ELAVL4: variants seen among roughly 807,000 people sequenced by gnomAD.
ELAVL4 encodes the protein ELAV-like protein 4.
Under a neutral mutation model 35.6 loss-of-function variants are expected in ELAVL4, and 1 was observed. That is an observed-to-expected ratio of 0.03 (90% CI 0.01 to 0.13). The LOEUF (loss-of-function observed/expected upper bound fraction) is 0.13. ELAVL4 is among the 10% of genes least tolerant of loss of function. ELAVL4 has a pLI of 1.00. For missense variants in ELAVL4, 267 were observed against 464.9 expected (o/e 0.57, Z 3.91); for synonymous variants, 156 against 171.0 (o/e 0.91, Z 0.69).
chr1:50,173,492 G>T (rs1679410246), intron 2 of ELAVL4, among the ~76,000 whole-genome samples: 2 of 152,190 alleles, frequency 1.3e-5, no homozygotes, highest in African/African-American at 2.4e-5. Context: ...TCCTGCCCAT[G>T]CATGATAACT....
chr1:50,160,635 A>C (rs1676633472), intron 2 of ELAVL4, among the ~76,000 whole-genome samples: 1 of 152,202 alleles, frequency 6.6e-6, no homozygotes, highest in South Asian at 2.1e-4. Context: ...TATTTCAGAA[A>C]GGACACGCTG....
chr1:50,083,181 T>C (rs544892707), intron 1 of ELAVL4, among the ~76,000 whole-genome samples: 1 of 152,262 alleles, frequency 6.6e-6, no homozygotes, highest in East Asian at 1.9e-4. Flanking sequence ...GTAATCCTCC[T>C]GAGTAGCTGG....
At chr1:50,086,494 A>G (rs911722765) in intron 1 of ELAVL4, among the ~76,000 whole-genome samples, 1 of 150,680 alleles carries the variant, frequency 6.6e-6, no homozygotes, top group Non-Finnish European at 1.5e-5. Context: ...ATATATATAT[A>G]TATATACTCT....
chr1:50,173,838 G>C (rs1679473077), intron 2 of ELAVL4, among the ~76,000 whole-genome samples: 1 of 149,688 alleles, frequency 6.7e-6, no homozygotes, highest in African/African-American at 2.5e-5. Flanking sequence ...TAGCCATTTG[G>C]AAAAAAAAAG....
chr1:50,054,375 G>A (rs1663551658), intron 1 of ELAVL4, among the ~76,000 whole-genome samples: 1 of 152,048 alleles, frequency 6.6e-6, no homozygotes, highest in Non-Finnish European at 1.5e-5. Flanking sequence ...CCCAACCATT[G>A]TCACTCCCAT....
intron 1 of ELAVL4, among the ~76,000 whole-genome samples, chr1:50,093,990 AAGTG>A (rs1477658710): frequency 2.0e-5 from 3 of 152,126 alleles, no homozygotes; most frequent in African/African-American, 7.2e-5. Flanking sequence ...TTGTGAAACT[AAGTG>A]AGTAAATACA....
chr1:50,050,743 T>C (rs1663313649), intron 1 of ELAVL4, among the ~76,000 whole-genome samples: 1 of 152,212 alleles, frequency 6.6e-6, no homozygotes, highest in Non-Finnish European at 1.5e-5. Context: ...ATTTGAGCAG[T>C]ACTGCTCATT....
In ELAVL4 at chr1:50,193,759, TC is replaced by T. The variant is rs752158397; in HGVS notation, c.355-4del. 6.2e-7 allele frequency: 1 copy of T among 1,612,080 alleles called. No homozygotes were observed. The highest frequency in any genetic ancestry group is 8.5e-7 in the Non-Finnish European group (1 of 1,179,274). On this transcript the variant is annotated splice_polypyrimidine_tract_variant and splice_region_variant and intron_variant, in intron 3 of 6. Coordinates refer to ENST00000371824, the MANE Select transcript of ELAVL4 (RefSeq NM_001144774.3). ...AATGGAATTAGCTCCTCTTGCCTTT[TC>T]CTAGGTCTCATATGCCCGTCCGAGC...
chr1:50,059,743 T>C (rs1663862981), intron 1 of ELAVL4, among the ~76,000 whole-genome samples: 1 of 151,640 alleles, frequency 6.6e-6, no homozygotes, highest in Non-Finnish European at 1.5e-5. Flanking sequence ...ATAAACAAAT[T>C]GTTTTATATA....
intron 4 of ELAVL4, among the ~76,000 whole-genome samples, chr1:50,195,338 G>A (rs577351450): frequency 6.6e-6 from 1 of 152,140 alleles, no homozygotes; most frequent in Non-Finnish European, 1.5e-5. Flanking sequence ...AGATGCAAGA[G>A]AGCCCTGTGT....
intron 3 of ELAVL4, 57 bp from the exon 4 acceptor site, chr1:50,193,708 C>T (rs2148880214): frequency 6.4e-7 from 1 of 1,564,830 alleles, no homozygotes; most frequent in Non-Finnish European, 8.7e-7. Context: ...GTGGACTCAG[C>T]ATCTACTCTG....
intron 1 of ELAVL4, among the ~76,000 whole-genome samples, chr1:50,078,374 ACTACTTGGGCCAC>A (rs1664860703): frequency 6.6e-6 from 1 of 152,178 alleles, no homozygotes; most frequent in East Asian, 1.9e-4. Flanking sequence ...TTTCCAAAAC[ACTACTTGGGCCAC>A]CTAAAACTCA....
intron 3 of ELAVL4, among the ~76,000 whole-genome samples, chr1:50,188,215 T>A (rs1027555063): frequency 1.3e-5 from 2 of 152,222 alleles, no homozygotes; most frequent in Non-Finnish European, 2.9e-5. Flanking sequence ...CATGAACTTT[T>A]GGGGCCACTT....
chr1:50,097,625 A>T (rs1665775441), intron 1 of ELAVL4, among the ~76,000 whole-genome samples: 1 of 152,060 alleles, frequency 6.6e-6, no homozygotes, highest in African/African-American at 2.4e-5. Flanking sequence ...AATGGATCTT[A>T]CTTTCACAAA....
rs1292490600 is a variant in ELAVL4, at chr1:50,202,536, TCGC to T, written c.*1361_*1363del. The stretch of plus-strand genomic sequence containing the variant: ...TTGCTTGAAACACTTATTTATTTAA[TCGC>T]CGATGTGATGATGCCTATGGCCGAG... On this transcript the variant is annotated 3_prime_UTR_variant, in exon 7 of 7. Coordinates refer to ENST00000371824, the MANE Select transcript of ELAVL4 (RefSeq NM_001144774.3). 2.0e-5 allele frequency: 3 copies of T among 152,198 alleles called. No individual in the cohort carries two copies. The highest frequency in any genetic ancestry group is 1.3e-4 in the Admixed American group (2 of 15,288). The allele number at this position is 152,198 out of a possible 1,614,324, so 9.4% of individuals were successfully genotyped here. A position where few individuals can be genotyped will look rare whatever the true frequency, so the allele number is the denominator to read the frequency against.
chr1:50,196,587 T>C (rs142613232), intron 5 of ELAVL4, among the ~76,000 whole-genome samples: 2 of 152,348 alleles, frequency 1.3e-5, no homozygotes, highest in East Asian at 3.9e-4. Context: ...TGGGAAATAG[T>C]AGGTCCTTCT....
intron 1 of ELAVL4, among the ~76,000 whole-genome samples, chr1:50,098,891 C>T (rs1039983483): frequency 6.6e-6 from 1 of 152,096 alleles, no homozygotes; most frequent in Non-Finnish European, 1.5e-5. Context: ...CCAAGTAGGG[C>T]AGGGCTTATA....
At chr1:50,150,055 T>C (rs140607776) in intron 2 of ELAVL4, among the ~76,000 whole-genome samples, 138 of 150,112 alleles carry the variant, frequency 9.2e-4, no homozygotes, top group African/African-American at 3.2e-3. Context: ...AGCAAAGGAA[T>C]AGAGCTAAAA....
chr1:50,154,312 G>A (rs78497375), intron 2 of ELAVL4, among the ~76,000 whole-genome samples: 1,613 of 152,282 alleles, frequency 0.011, 24 homozygotes, highest in African/African-American at 0.037. Context: ...TTCCCATGGC[G>A]TCTGTGATCT....
Sources: allele counts gnomAD v4.1 joint callset (sites outside exome capture counted in the v4.1 genomes callset), GRCh38; gene constraint gnomAD v4.1.1; transcripts MANE v1.5; gene names NCBI Gene and HGNC (gene_info 2026-07-23, HGNC 2026-07-21).